LRRC72: variants seen among roughly 807,000 people sequenced by gnomAD.
LRRC72 encodes the protein leucine-rich repeat-containing protein 72.
In LRRC72, 41 loss-of-function variants were observed where a neutral mutation model predicts 35.8. The observed-to-expected ratio is 1.15, with a 90% CI of 0.89 to 1.49. The LOEUF (loss-of-function observed/expected upper bound fraction) is 1.49. Ranked by LOEUF, LRRC72 falls within the 40% of genes most tolerant of loss-of-function variation. The pLI, the probability that LRRC72 is intolerant of heterozygous loss-of-function variation, is 0.00. For synonymous variants in LRRC72, 118 were observed against 119.2 expected, an observed-to-expected ratio of 0.99 and a Z score of 0.07; for missense variants, 389 against 330.7, an observed-to-expected ratio of 1.18 and a Z score of -1.37.
At chr7:16,552,481 G>C (rs79362562) in intron 3 of LRRC72, among the ~76,000 whole-genome samples, 6,078 of 152,296 alleles carry the variant, frequency 0.04, 181 homozygotes, top group Non-Finnish European at 0.064. Flanking sequence ...AATGCTGAAA[G>C]GAAGAGTGGA....
intron 2 of LRRC72, among the ~76,000 whole-genome samples, chr7:16,535,783 T>A (rs1782243677): frequency 6.6e-6 from 1 of 152,200 alleles, no homozygotes; most frequent in South Asian, 2.1e-4. Context: ...TTGCATTTGA[T>A]CAATAGGAAA....
chr7:16,531,455 A>G (rs1782161738), intron 1 of LRRC72, among the ~76,000 whole-genome samples: 1 of 152,188 alleles, frequency 6.6e-6, no homozygotes, highest in Non-Finnish European at 1.5e-5. Context: ...TTCTTTAAAT[A>G]TGTTCATTGC....
At chr7:16,565,086 T>C (rs926533124) in intron 5 of LRRC72, among the ~76,000 whole-genome samples, 4 of 152,188 alleles carry the variant, frequency 2.6e-5, no homozygotes, top group African/African-American at 4.8e-5. Context: ...GTGGTTCTCC[T>C]TATTAGGTGT....
chr7:16,526,981 G>C lies in LRRC72; in HGVS notation c.29G>C (p.Arg10Pro). Residue 10 changes from arginine to proline, a missense_variant, in exon 1 of 9, where the codon CGT becomes CCT. Coordinates refer to ENST00000401542, the MANE Select transcript of LRRC72 (RefSeq NM_001195280.2). MSWDPNPVPRTLRCWRLRRA... is the reference protein window; with the variant it reads MSWDPNPVPPTLRCWRLRRA... ...TCCTGGGACCCGAACCCCGTGCCCC[G>C]TACCTTGCGATGCTGGCGCCTACGG... 6.5e-7 allele frequency: 1 copy of C among 1,539,944 alleles called. No individual in the cohort carries two copies. The highest frequency in any genetic ancestry group is 8.7e-7 in the Non-Finnish European group (1 of 1,146,918).
chr7:16,557,850 A>G (rs989022231), intron 4 of LRRC72, among the ~76,000 whole-genome samples: 2 of 152,160 alleles, frequency 1.3e-5, no homozygotes, highest in South Asian at 2.1e-4. Context: ...CACTCTCAAA[A>G]CTGATCATTT....
intron 7 of LRRC72, among the ~76,000 whole-genome samples, chr7:16,579,417 A>G (rs1311835307): frequency 6.6e-6 from 1 of 152,136 alleles, no homozygotes; most frequent in Non-Finnish European, 1.5e-5. Context: ...GCAAGAGGTG[A>G]TACTGTGGGC....
intron 3 of LRRC72, among the ~76,000 whole-genome samples, chr7:16,546,267 C>T (rs563146971): frequency 6.6e-5 from 10 of 152,076 alleles, no homozygotes; most frequent in Admixed American, 2.6e-4. Context: ...TTCATCATGT[C>T]GTTTAATCAC....
intron 2 of LRRC72, 91 bp downstream of exon 2, chr7:16,532,659 T>C (rs1782188591): frequency 1.9e-6 from 2 of 1,078,530 alleles, no homozygotes; most frequent in African/African-American, 1.6e-5. Context: ...TTTTCCATTT[T>C]TCCCCCTCAA....
At chr7:16,557,587 G>A (rs1384972814) in intron 4 of LRRC72, 146 bp downstream of exon 4, 1 of 333,414 alleles carries the variant, frequency 3.0e-6, no homozygotes, top group Non-Finnish European at 5.5e-6. Context: ...ATGTTTTAAT[G>A]TACATTTGAT....
At chr7:16,558,313 T>C (rs1467785273) in intron 4 of LRRC72, among the ~76,000 whole-genome samples, 1 of 152,138 alleles carries the variant, frequency 6.6e-6, no homozygotes, top group Non-Finnish European at 1.5e-5. Context: ...TGCTACATTT[T>C]AAAAAGTAAA....
chr7:16,575,123 A>G (rs1783016947), intron 7 of LRRC72, among the ~76,000 whole-genome samples: 1 of 151,710 alleles, frequency 6.6e-6, no homozygotes, highest in African/African-American at 2.4e-5. Flanking sequence ...TCAGAAAAAG[A>G]AAGAAAAGGA....
intron 7 of LRRC72, 25 bp downstream of exon 7, chr7:16,567,568 A>AAC: frequency 7.1e-7 from 1 of 1,412,360 alleles, no homozygotes; most frequent in Non-Finnish European, 9.3e-7. Context: ...AAAAAAAAAA[A>AAC]ACAAATTTAA....
chr7:16,575,516 C>A (rs1374697140), intron 7 of LRRC72, among the ~76,000 whole-genome samples: 1 of 152,186 alleles, frequency 6.6e-6, no homozygotes, highest in Non-Finnish European at 1.5e-5. Flanking sequence ...AATACCAGAT[C>A]TGCTAATAAT....
intron 2 of LRRC72, among the ~76,000 whole-genome samples, chr7:16,532,993 G>A (rs1053049897): frequency 4.6e-5 from 7 of 152,042 alleles, no homozygotes; most frequent in African/African-American, 1.4e-4. Flanking sequence ...AATGTAGCCC[G>A]ATATCCTGTA....
chr7:16,563,301 GATA>G lies in LRRC72; in HGVS notation c.428-3007_428-3005del, dbSNP rs1233092544. Among the ~76,000 whole-genome samples, 10 of 151,602 alleles carry G rather than the reference GATA, an allele frequency of 6.6e-5. No homozygotes were observed. In the East Asian group the frequency reaches 1.9e-3, roughly 29 times the overall value. ...GCTTTTTTTTTTCCTCTTCTGTCTC[GATA>G]ATAAGTAGCTTCATACACGTGACTC... is the stretch of plus-strand genomic sequence containing the variant. On this transcript the variant is annotated intron_variant, in intron 5 of 8. Transcript: ENST00000401542.
intron 5 of LRRC72, among the ~76,000 whole-genome samples, chr7:16,565,561 C>T (rs779221094): frequency 6.6e-6 from 1 of 152,090 alleles, no homozygotes; most frequent in Non-Finnish European, 1.5e-5. Context: ...CTCACAACTT[C>T]TAGTTGAGGA....
At chr7:16,537,808 T>C in intron 3 of LRRC72, 112 bp downstream of exon 3, 2 of 639,234 alleles carry the variant, frequency 3.1e-6, no homozygotes, top group South Asian at 4.9e-5. Context: ...AAATTTAAAT[T>C]GAGCTAAGAA....
chr7:16,543,286 T>C (rs894007267), intron 3 of LRRC72, among the ~76,000 whole-genome samples: 2 of 152,108 alleles, frequency 1.3e-5, no homozygotes, highest in Non-Finnish European at 2.9e-5. Flanking sequence ...ATATTTAGAG[T>C]CATAACACAT....
chr7:16,531,584 G>A (rs1297794215), intron 1 of LRRC72, among the ~76,000 whole-genome samples: 1 of 152,086 alleles, frequency 6.6e-6, no homozygotes. Flanking sequence ...ACAAATCCCA[G>A]CTAAAATTCG....
Sources: allele counts gnomAD v4.1 joint callset (sites outside exome capture counted in the v4.1 genomes callset), GRCh38; gene constraint gnomAD v4.1.1; transcripts MANE v1.5; gene names NCBI Gene and HGNC (gene_info 2026-07-23, HGNC 2026-07-21).